Variants in ALDH1L2 observed in about 807,000 individuals in gnomAD.
ALDH1L2 encodes the protein aldehyde dehydrogenase 1 family member L2.
A neutral mutation model predicts 111.0 loss-of-function variants in ALDH1L2; 91 were observed. The ratio of observed to expected loss-of-function variants is 0.82; its 90% confidence interval spans 0.69 to 0.98. The LOEUF is 0.98. ALDH1L2 is among the 50% of genes least tolerant of loss of function. The pLI is 0.00. For synonymous variants in ALDH1L2, 374 were observed against 392.6 expected (o/e 0.95, Z 0.56); for missense variants, 995 against 1,126.8 (o/e 0.88, Z 1.67).
Position 105,024,508 on chromosome 12 carries a change from C to A in ALDH1L2, c.2717-29G>T, listed in dbSNP as rs1199362074. The A allele has an allele frequency of 2.5e-6, 4 of 1,608,202 alleles. No individual in the cohort carries two copies. The East Asian group carries it at 8.9e-5, about 36-fold the overall frequency. On this transcript the variant is annotated intron_variant, in intron 22 of 22. Coordinates refer to ENST00000258494, the MANE Select transcript of ALDH1L2 (RefSeq NM_001034173.4). Reference sequence around the variant, plus strand: ...GGGAAGAGAAAAGCAGTTGACAGACCACATTCAGAGGCAGACATGTGATGT... The same window carrying A: ...GGGAAGAGAAAAGCAGTTGACAGACAACATTCAGAGGCAGACATGTGATGT...
intron 15 of ALDH1L2, among the ~76,000 whole-genome samples, chr12:105,045,908 A>C (rs1039798603): frequency 6.6e-6 from 1 of 152,106 alleles, no homozygotes; most frequent in Non-Finnish European, 1.5e-5. Flanking sequence ...TGCAGATAAC[A>C]GAAACCCAAG....
rs1484596173 is a variant in ALDH1L2, at chr12:105,052,216, G to T, written c.1409C>A (p.Thr470Lys). ...YDTINPTDGS[T>K]ICKVSYASLA... ...AGAAGCGTAGGATACTTTGCATATT[G>T]TCTATTTCAAGGTAAGTAAAAATAG... Residue 470 changes from threonine to lysine, a missense_variant and splice_region_variant, in exon 12 of 23, where the codon ACA becomes AAA. Coordinates refer to ENST00000258494, the MANE Select transcript of ALDH1L2 (RefSeq NM_001034173.4). The T allele has an allele frequency of 1.3e-6, 2 of 1,597,694 alleles. No homozygotes were observed. Among genetic ancestry groups the T allele is most frequent in the African/African-American group, 2.7e-5 (2 of 73,856 alleles).
chr12:105,070,941 T>A, intron 2 of ALDH1L2, 137 bp from the exon 3 acceptor site: 1 of 757,028 alleles, frequency 1.3e-6, no homozygotes, highest in Non-Finnish European at 2.1e-6. Flanking sequence ...AGATTGTGAC[T>A]AGAATTTCAC....
intron 17 of ALDH1L2, 78 bp from the exon 18 acceptor site, chr12:105,038,280 ACACAC>A (rs1875301208): frequency 3.3e-5 from 1 of 30,600 alleles, no homozygotes; most frequent in Non-Finnish European, 5.6e-5. Flanking sequence ...ACACACACAA[ACACAC>A]ACACACACAC....
intron 1 of ALDH1L2, among the ~76,000 whole-genome samples, chr12:105,076,743 A>T (rs969532000): frequency 6.6e-6 from 1 of 152,252 alleles, no homozygotes. Flanking sequence ...TTATCATACC[A>T]TAAGCAATAC....
At chr12:105,084,348 G>A in intron 1 of ALDH1L2, 41 bp downstream of exon 1, 1 of 1,506,094 alleles carries the variant, frequency 6.6e-7, no homozygotes, top group South Asian at 1.2e-5. Context: ...TGGAAACCAG[G>A]ACAGGGTGAC....
At chr12:105,063,231 CT>C (rs1877111920) in intron 6 of ALDH1L2, among the ~76,000 whole-genome samples, 1 of 152,292 alleles carries the variant, frequency 6.6e-6, no homozygotes, top group Admixed American at 6.5e-5. Flanking sequence ...AATCCCAGCA[CT>C]TTGGGAGGCA....
At position 105,052,898 on chromosome 12, in the gene ALDH1L2, T is replaced by C; in HGVS notation, c.1321A>G (p.Met441Val). ...CCATTTATGAAACACTGGTATGGCATTTTTACCATGATTTCATTGACCTCC... is the reference window on the plus strand; with the variant it reads ...CCATTTATGAAACACTGGTATGGCACTTTTACCATGATTTCATTGACCTCC... ...SKEVNEIMVKMPYQCFINGQF... is the reference protein window; with the variant it reads ...SKEVNEIMVKVPYQCFINGQF... Residue 441 changes from methionine to valine, a missense_variant, in exon 11 of 23, where the codon ATG (methionine) becomes GTG (valine). Transcript: ENST00000258494. 1 of 1,613,914 alleles carries C rather than the reference T, an allele frequency of 6.2e-7. No individual in the cohort carries two copies. Among genetic ancestry groups the C allele is most frequent in the Non-Finnish European group, 8.5e-7 (1 of 1,179,780 alleles).
At chr12:105,031,114 A>G (rs1350467315) in intron 20 of ALDH1L2, among the ~76,000 whole-genome samples, 2 of 151,884 alleles carry the variant, frequency 1.3e-5, no homozygotes. Context: ...TATCTCTTGT[A>G]TTTCTTCTTT....
chr12:105,025,473 A>T (rs1014659593), intron 22 of ALDH1L2, among the ~76,000 whole-genome samples: 3 of 152,210 alleles, frequency 2.0e-5, no homozygotes, highest in African/African-American at 7.2e-5. Flanking sequence ...TCACTTTCTA[A>T]TAATAAATTC....
intron 12 of ALDH1L2, chr12:105,050,695 G>C (rs1276514916): frequency 2.2e-6 from 1 of 453,536 alleles, no homozygotes; most frequent in East Asian, 7.0e-5. Context: ...GCTTGTATTA[G>C]TTCATTCTCA....
intron 13 of ALDH1L2, chr12:105,048,501 T>A (rs553463938): frequency 2.0e-5 from 3 of 152,232 alleles, no homozygotes; most frequent in African/African-American, 7.2e-5. Context: ...TCTCACTTCC[T>A]TCTTTTTGCT....
At chr12:105,028,196 C>T (rs931881281) in intron 21 of ALDH1L2, among the ~76,000 whole-genome samples, 2 of 152,134 alleles carry the variant, frequency 1.3e-5, no homozygotes, top group African/African-American at 2.4e-5. Context: ...CTGCAACCTT[C>T]GCCTCCCAGG....
chr12:105,039,131 G>A (rs77958386), intron 17 of ALDH1L2, among the ~76,000 whole-genome samples: 3,892 of 151,992 alleles, frequency 0.026, 175 homozygotes, highest in African/African-American at 0.089. Flanking sequence ...TAGCTTTTGC[G>A]TTGTTTAACA....
intron 7 of ALDH1L2, 125 bp from the exon 8 acceptor site, chr12:105,061,877 T>A: frequency 8.8e-7 from 1 of 1,131,368 alleles, no homozygotes; most frequent in Non-Finnish European, 1.2e-6. Context: ...AAATACAGAT[T>A]AAAAGCATTC....
At position 105,038,160 on chromosome 12, in the gene ALDH1L2, A is replaced by G; in HGVS notation, c.2088T>C (p.Gly696=). The G allele has an allele frequency of 1.9e-6, 3 of 1,613,754 alleles. No individual in the cohort carries two copies. In the South Asian group the frequency reaches 3.3e-5, roughly 18 times the overall value. Residue 696 remains glycine (G), a synonymous_variant, in exon 18 of 23, where the codon GGT becomes GGC. Transcript: ENST00000258494. ...SNLKKVSLEL[G]GKSPLIIFND... Reference sequence around the variant, plus strand: ...TAAATATTATAAGTGGAGACTTGCCACCAAGCTCAAGGGAAACTTTCTTCA... The same window carrying G: ...TAAATATTATAAGTGGAGACTTGCCGCCAAGCTCAAGGGAAACTTTCTTCA...
Position 105,024,481 on chromosome 12 carries a change from T to G in ALDH1L2, c.2717-2A>C. Reference sequence around the variant, plus strand: ...GATATTCATTTAGAGCTTCCTCACCTAGGGAAGAGAAAAGCAGTTGACAGA... The same window carrying G: ...GATATTCATTTAGAGCTTCCTCACCGAGGGAAGAGAAAAGCAGTTGACAGA... On this transcript the variant is annotated splice_acceptor_variant, in intron 22 of 22. Coordinates refer to ENST00000258494, the MANE Select transcript of ALDH1L2 (RefSeq NM_001034173.4). LOFTEE classifies it high-confidence loss of function. The G allele has an allele frequency of 6.2e-7, 1 of 1,613,870 alleles. No homozygotes were observed. Among genetic ancestry groups the G allele is most frequent in the Admixed American group, 1.7e-5 (1 of 59,984 alleles).
intron 1 of ALDH1L2, among the ~76,000 whole-genome samples, chr12:105,081,096 G>A (rs1161876988): frequency 6.6e-6 from 1 of 152,132 alleles, no homozygotes; most frequent in African/African-American, 2.4e-5. Context: ...AGGAGAATAT[G>A]CACAGGTTAT....
At chr12:105,046,149 TTCTCTC>T (rs541003101) in intron 15 of ALDH1L2, among the ~76,000 whole-genome samples, 363 of 35,886 alleles carry the variant, frequency 0.01, 9 homozygotes, top group African/African-American at 0.019. Context: ...CTTCTACATC[TTCTCTC>T]TCTCTCTCTC....
Sources: gnomAD v4.1 joint callset for allele counts (sites outside exome capture counted in the v4.1 genomes callset) on GRCh38, gnomAD v4.1.1 for gene constraint, MANE v1.5 for transcripts, NCBI Gene and HGNC (gene_info 2026-07-23, HGNC 2026-07-21) for gene names.